NFIB: variants seen among roughly 807,000 people sequenced by gnomAD.
The protein encoded by NFIB is nuclear factor I B.
In NFIB, 11 loss-of-function variants were observed where a neutral mutation model predicts 61.5. That is an observed-to-expected ratio of 0.18 (90% CI 0.11 to 0.30). NFIB has a LOEUF of 0.30. Ranked by LOEUF, NFIB falls within the 10% of genes least tolerant of loss-of-function variation. NFIB has a pLI of 1.00. For synonymous variants in NFIB, 260 were observed against 216.5 expected, an observed-to-expected ratio of 1.20 and a Z score of -1.76; for missense variants, 471 against 608.9, an observed-to-expected ratio of 0.77 and a Z score of 2.38.
chr9:14,304,723 T>C (rs1269856568), intron 2 of NFIB, among the ~76,000 whole-genome samples: 1 of 152,266 alleles, frequency 6.6e-6, no homozygotes, highest in Non-Finnish European at 1.5e-5. Flanking sequence ...TGAGTTATCA[T>C]GTACTTAGAA....
intron 6 of NFIB, among the ~76,000 whole-genome samples, chr9:14,130,106 T>C (rs941548066): frequency 1.3e-5 from 2 of 152,170 alleles, no homozygotes; most frequent in Non-Finnish European, 2.9e-5. Context: ...TTTTCACTTG[T>C]ACCTGGCTGA....
intron 10 of NFIB, among the ~76,000 whole-genome samples, chr9:14,106,279 C>T (rs551301876): frequency 6.6e-6 from 1 of 152,200 alleles, no homozygotes; most frequent in East Asian, 1.9e-4. Context: ...CATATCCTTA[C>T]AAAAATGCAC....
chr9:14,279,081 CAG>C (rs749302764), intron 2 of NFIB, among the ~76,000 whole-genome samples: 3 of 152,034 alleles, frequency 2.0e-5, no homozygotes, highest in Non-Finnish European at 4.4e-5. Context: ...GAGACGGACA[CAG>C]AGAGAGTGTG....
chr9:14,497,209 C>T, the NFIB span, among the ~76,000 whole-genome samples: 80 of 152,260 alleles, frequency 5.3e-4, no homozygotes, highest in African/African-American at 1.8e-3. Flanking sequence ...TCAGATGTTA[C>T]TTTGTTCAGG....
chr9:14,100,797 AT>A (rs1290529973), intron 10 of NFIB, among the ~76,000 whole-genome samples: 1 of 152,250 alleles, frequency 6.6e-6, no homozygotes, highest in Non-Finnish European at 1.5e-5. Context: ...GGTCTATCCT[AT>A]TTTTAGATTT....
the NFIB span, among the ~76,000 whole-genome samples, chr9:14,469,030 A>T: frequency 1.3e-5 from 2 of 152,218 alleles, no homozygotes; most frequent in Middle Eastern, 6.3e-3. Flanking sequence ...AGGCAGGCAC[A>T]ACAATGCCCA....
Position 14,120,217 on chromosome 9 carries a change from A to G in NFIB, c.1245+223T>C, listed in dbSNP as rs1289257472. Among the ~76,000 whole-genome samples the G allele has an allele frequency of 6.6e-6, 1 of 152,188 alleles. No homozygotes were observed. The highest frequency in any genetic ancestry group is 2.4e-5 in the African/African-American group (1 of 41,438). On this transcript the variant is annotated intron_variant, in intron 8 of 10. Transcript: ENST00000380953. The surrounding 1 kb of genome is among the most constrained non-coding windows in gnomAD (Gnocchi z 4.4). ...CTTCAGTCAGTGAAAATCCAAAAAC[A>G]TTAAACCATCTTCACAAATGTACCC...
At chr9:14,175,385 A>G (rs2046072614) in intron 3 of NFIB, among the ~76,000 whole-genome samples, 1 of 151,958 alleles carries the variant, frequency 6.6e-6, no homozygotes, top group Admixed American at 6.6e-5. Flanking sequence ...CATGTTAGCC[A>G]GAATGGTCTC....
intron 2 of NFIB, among the ~76,000 whole-genome samples, chr9:14,180,113 G>C (rs149960904): frequency 6.6e-6 from 1 of 152,164 alleles, no homozygotes; most frequent in Non-Finnish European, 1.5e-5. Context: ...GTAGCAATAT[G>C]AAATAAAGCA....
At chr9:14,443,917 G>C in the NFIB span, among the ~76,000 whole-genome samples, 1 of 152,130 alleles carries the variant, frequency 6.6e-6, no homozygotes, top group African/African-American at 2.4e-5. Context: ...AAAAATTTCT[G>C]TCACTGTCCA....
intron 1 of NFIB, among the ~76,000 whole-genome samples, chr9:14,372,111 G>GC (rs759211633): frequency 6.9e-6 from 1 of 145,602 alleles, no homozygotes; most frequent in African/African-American, 2.5e-5. Flanking sequence ...TGCCAAAACT[G>GC]TTTTTTTTTT....
intron 1 of NFIB, among the ~76,000 whole-genome samples, chr9:14,389,832 T>C (rs553707892): frequency 6.6e-6 from 1 of 152,200 alleles, no homozygotes; most frequent in East Asian, 1.9e-4. Flanking sequence ...TCTAATGGTT[T>C]GAAATAACTG....
rs190285294 is a variant in NFIB, at chr9:14,337,655, G to A, written c.109-30135C>T. Among the ~76,000 whole-genome samples the A allele has an allele frequency of 4.6e-5, 7 of 152,296 alleles. No homozygotes were observed. In the East Asian group the frequency reaches 1.2e-3, roughly 25 times the overall value. ...GCATTTGGAGCCCCACTGGGGTGGC[G>A]GGGGACACATGCCCAGGCCACACGT... On this transcript the variant is annotated intron_variant, in intron 1 of 8. Coordinates refer to the NFIB transcript ENST00000380934.
chr9:14,136,220 A>G lies in NFIB; in HGVS notation c.926-10454T>C, dbSNP rs188426728. Among the ~76,000 whole-genome samples, 122 of 152,334 alleles carry G rather than the reference A, an allele frequency of 8.0e-4. No homozygotes were observed. The Middle Eastern group carries it at 0.017, about 21-fold the overall frequency. On this transcript the variant is annotated intron_variant, in intron 6 of 10. Coordinates refer to ENST00000380953, the MANE Select transcript of NFIB (RefSeq NM_001190737.2). ...ATGCTTTTGTCCACTAAGCAATTTC[A>G]TTTTAACAGACAGACAATGATAAAG...
the NFIB span, among the ~76,000 whole-genome samples, chr9:14,508,138 T>C: frequency 6.6e-6 from 1 of 151,546 alleles, no homozygotes; most frequent in East Asian, 1.9e-4. Context: ...TCATATTATA[T>C]GTGTAAATAT....
At chr9:14,115,629 A>G (rs1040787615) in intron 9 of NFIB, among the ~76,000 whole-genome samples, 7 of 152,176 alleles carry the variant, frequency 4.6e-5, no homozygotes, top group Non-Finnish European at 8.8e-5. Flanking sequence ...TTAAAAAAAA[A>G]GCTTGCAGAT....
At chr9:14,456,764 T>C in the NFIB span, among the ~76,000 whole-genome samples, 1 of 152,166 alleles carries the variant, frequency 6.6e-6, no homozygotes, top group Non-Finnish European at 1.5e-5. Context: ...AAGTTTTCAA[T>C]AGGGGACAAT....
chr9:14,368,514 A>G (rs10961489), intron 1 of NFIB, among the ~76,000 whole-genome samples: 16,276 of 152,236 alleles, frequency 0.11, 1,161 homozygotes, highest in Middle Eastern at 0.21. Flanking sequence ...TTACGGTGCA[A>G]CTGCACACAC....
intron 1 of NFIB, among the ~76,000 whole-genome samples, chr9:14,336,442 C>T (rs570959179): frequency 2.6e-5 from 4 of 152,328 alleles, no homozygotes; most frequent in Admixed American, 2.0e-4. Context: ...ACCTCATGGG[C>T]CTGGGGAAAC....
Sources: gnomAD v4.1 joint callset for allele counts (sites outside exome capture counted in the v4.1 genomes callset) on GRCh38, gnomAD v4.1.1 for gene constraint, Gnocchi (gnomAD v3.1) non-coding constraint, MANE v1.5 for transcripts, NCBI Gene and HGNC (gene_info 2026-07-23, HGNC 2026-07-21) for gene names.